Variants in POLR2B observed in about 807,000 individuals in gnomAD.
The protein encoded by POLR2B is RNA polymerase II subunit B, also known as DNA-directed RNA polymerase II subunit RPB2.
A neutral mutation model predicts 144.6 loss-of-function variants in POLR2B; 57 were observed. That is an observed-to-expected ratio of 0.39 (90% confidence interval 0.32 to 0.49). The LOEUF (loss-of-function observed/expected upper bound fraction) is 0.49. Ranked by LOEUF, POLR2B falls within the 20% of genes least tolerant of loss-of-function variation. The pLI is 0.83. For synonymous variants in POLR2B, 442 were observed against 469.8 expected (o/e 0.94, Z 0.77); for missense variants, 595 against 1,467.4 (o/e 0.41, Z 9.71).
intron 23 of POLR2B, among the ~76,000 whole-genome samples, chr4:57,029,819 G>A (rs1723854114): frequency 1.3e-5 from 2 of 152,126 alleles, no homozygotes; most frequent in African/African-American, 4.8e-5. Flanking sequence ...TGTCTTATGA[G>A]GAAAATTAAA....
intron 1 of POLR2B, chr4:56,985,462 G>A: frequency 1.0e-6 from 1 of 985,560 alleles, no homozygotes; most frequent in Non-Finnish European, 1.2e-6. Context: ...CGGGCGGTGA[G>A]TGAGAGGCGG....
At position 56,990,880 on chromosome 4, in the gene POLR2B, T is replaced by G. The variant is rs1341587818; in HGVS notation, c.225T>G (p.Ser75Arg). ...IDLQAEAQHA[S>R]GEVEEPPRYL... ...TACAGGCTGAAGCTCAGCATGCTAGTGGAGAAGTTGAAGAACCGGTAAGAT... is the reference window on the plus strand; with the variant it reads ...TACAGGCTGAAGCTCAGCATGCTAGGGGAGAAGTTGAAGAACCGGTAAGAT... The change falls in exon 3 of 25, where the codon AGT (serine) becomes AGG (arginine). Residue 75 changes from serine to arginine, a missense_variant. By Grantham distance (110) the Ser-to-Arg change is moderately radical. Transcript: ENST00000314595. The G allele has an allele frequency of 3.7e-6, 6 of 1,611,684 alleles. No individual in the cohort carries two copies. Among genetic ancestry groups the G allele is most frequent in the Non-Finnish European group, 4.2e-6 (5 of 1,179,344 alleles).
intron 7 of POLR2B, among the ~76,000 whole-genome samples, chr4:57,000,009 G>C (rs193052998): frequency 2.2e-4 from 34 of 152,316 alleles, no homozygotes; most frequent in Admixed American, 1.1e-3. Flanking sequence ...GTTAATGACA[G>C]CAGCAAGAAG....
chr4:56,994,191 AAG>A (rs1189375714), intron 3 of POLR2B, among the ~76,000 whole-genome samples: 1 of 152,214 alleles, frequency 6.6e-6, no homozygotes, highest in African/African-American at 2.4e-5. Flanking sequence ...TTTTTAAGAA[AAG>A]AGGAAAAAAG....
At position 57,022,166 on chromosome 4, in the gene POLR2B, G is replaced by A; in HGVS notation, c.2435G>A (p.Arg812His). 2 of 1,606,492 alleles carry A rather than the reference G, an allele frequency of 1.2e-6. No homozygotes were observed. Among genetic ancestry groups the A allele is most frequent in the Non-Finnish European group, 8.5e-7 (1 of 1,173,986 alleles). The change falls in exon 18 of 25, where the codon CGC becomes CAC. Residue 812 changes from arginine to histidine, a missense_variant. This residue lies in a region of POLR2B where 39 missense variants were observed against 174.3 expected (regional missense o/e 0.22). Coordinates refer to ENST00000314595, the MANE Select transcript of POLR2B (RefSeq NM_000938.3). ...DRGFFRSVFY[R>H]SYKEQESKKG... ...TGTGTTTTTAGGTCTGTTTTCTATC[G>A]CTCATACAAAGAACAGGAGTCTAAA...
intron 7 of POLR2B, among the ~76,000 whole-genome samples, chr4:57,001,635 A>G (rs545807755): frequency 2.4e-4 from 37 of 152,344 alleles, no homozygotes; most frequent in African/African-American, 8.4e-4. Context: ...GGGCATCTCA[A>G]CAAGAGTCAT....
chr4:57,000,760 A>T (rs1052922404), intron 7 of POLR2B, among the ~76,000 whole-genome samples: 1 of 152,138 alleles, frequency 6.6e-6, no homozygotes, highest in Non-Finnish European at 1.5e-5. Context: ...CAGTGGCACG[A>T]TCTCGGCTCA....
chr4:57,010,264 A>AAT, intron 10 of POLR2B, 97 bp from the exon 11 acceptor site: 1 of 1,068,560 alleles, frequency 9.4e-7, no homozygotes, highest in Non-Finnish European at 1.4e-6. Context: ...ACAGTTTGAT[A>AAT]CTCAGTAGAT....
At position 57,010,348 on chromosome 4, in the gene POLR2B, T is replaced by C; in HGVS notation, c.1405-13T>C. 1 of 1,612,116 alleles carries C rather than the reference T, an allele frequency of 6.2e-7. No individual in the cohort carries two copies. Among genetic ancestry groups the C allele is most frequent in the Non-Finnish European group, 8.5e-7 (1 of 1,179,010 alleles). Reference sequence around the variant, plus strand: ...AAATGTCCAGACTTTAAAGATTGGCTATTTTTTTCTAGGTGTTAAACCGCC... The same window carrying C: ...AAATGTCCAGACTTTAAAGATTGGCCATTTTTTTCTAGGTGTTAAACCGCC... On this transcript the variant is annotated splice_polypyrimidine_tract_variant and intron_variant, in intron 10 of 24. Transcript: ENST00000314595.
chr4:57,017,276 T>C lies in POLR2B; in HGVS notation c.2154+35T>C, dbSNP rs749655165. ...ACTTTTTGTCTTCTGGTGTGAGGAA[T>C]TGGGAGAAGTAATAAAAATTGAAAG... On this transcript the variant is annotated intron_variant, in intron 15 of 24. Coordinates refer to ENST00000314595, the MANE Select transcript of POLR2B (RefSeq NM_000938.3). The surrounding 1 kb of genome is among the most constrained non-coding windows in gnomAD (Gnocchi z 4.8). The C allele has an allele frequency of 3.5e-6, 5 of 1,445,090 alleles. No homozygotes were observed. The highest frequency in any genetic ancestry group is 1.8e-5 in the Admixed American group (1 of 54,130). 89.5% of individuals were successfully genotyped at this position (1,445,090 alleles called of 1,614,324 possible). A position where few individuals can be genotyped will look rare whatever the true frequency, so the allele number is the denominator to read the frequency against.
chr4:56,994,911 T>C, intron 5 of POLR2B, 45 bp downstream of exon 5: 1 of 1,164,800 alleles, frequency 8.6e-7, no homozygotes, highest in Admixed American at 2.3e-5. Flanking sequence ...GTAGTTAAAA[T>C]TTAGTTTAAA....
At chr4:57,003,157 T>C (rs1230483314) in intron 7 of POLR2B, among the ~76,000 whole-genome samples, 1 of 151,936 alleles carries the variant, frequency 6.6e-6, no homozygotes, top group Non-Finnish European at 1.5e-5. Context: ...TTGGGCTGGG[T>C]GCGGTGGCTC....
chr4:56,979,623 A>G lies in POLR2B; in HGVS notation c.19+619A>G, dbSNP rs554541604. 5.3e-5 allele frequency among the ~76,000 whole-genome samples: 8 copies of G among 152,264 alleles called. No homozygotes were observed. In the South Asian group the frequency reaches 1.4e-3, roughly 28 times the overall value. On this transcript the variant is annotated intron_variant, in intron 1 of 24. Transcript: ENST00000314595. ...GTATAATACCTGTTTGTTTGCGCAT[A>G]TGGAATTCTTAGTAGTGGCCGAGCG...
chr4:56,986,619 A>G (rs1317422426), intron 2 of POLR2B, 193 bp downstream of exon 2: 6 of 440,390 alleles, frequency 1.4e-5, no homozygotes, highest in African/African-American at 1.2e-4. Flanking sequence ...CAGATTCCGA[A>G]AATGTTACCC....
At chr4:56,986,190 CAT>C (rs1345234613) in intron 1 of POLR2B, 162 bp from the exon 2 acceptor site, 2 of 694,182 alleles carry the variant, frequency 2.9e-6, no homozygotes, top group African/African-American at 1.8e-5. Flanking sequence ...GTGACATAGA[CAT>C]AAATTATTTT....
intron 7 of POLR2B, among the ~76,000 whole-genome samples, chr4:57,003,619 T>C (rs908218161): frequency 2.0e-5 from 3 of 151,984 alleles, no homozygotes; most frequent in Non-Finnish European, 4.4e-5. Flanking sequence ...TTGGAAGGCC[T>C]ACATGGGTAG....
intron 3 of POLR2B, among the ~76,000 whole-genome samples, chr4:56,992,494 A>G (rs1722548325): frequency 2.3e-5 from 3 of 130,902 alleles, no homozygotes; most frequent in Admixed American, 7.8e-5. Context: ...AAAAAAAAAG[A>G]AAAGAAAATA....
In POLR2B at chr4:57,010,360, G is replaced by T. The variant is rs1227005302; in HGVS notation, c.1405-1G>T. Reference sequence around the variant, plus strand: ...TTTAAAGATTGGCTATTTTTTTCTAGGTGTTAAACCGCCTGACTTTTGCGT... The same window carrying T: ...TTTAAAGATTGGCTATTTTTTTCTATGTGTTAAACCGCCTGACTTTTGCGT... On this transcript the variant is annotated splice_acceptor_variant, in intron 10 of 24. Coordinates refer to ENST00000314595, the MANE Select transcript of POLR2B (RefSeq NM_000938.3). LOFTEE classifies it high-confidence loss of function. 3 of 1,610,916 alleles carry T rather than the reference G, an allele frequency of 1.9e-6. No individual in the cohort carries two copies. The highest frequency in any genetic ancestry group is 1.7e-5 in the Admixed American group (1 of 59,108).
intron 11 of POLR2B, 79 bp from the exon 12 acceptor site, chr4:57,010,669 T>C: frequency 7.1e-7 from 1 of 1,399,052 alleles, no homozygotes; most frequent in Non-Finnish European, 9.7e-7. Context: ...TGAAATCACA[T>C]TGAAGGAAAA....
Sources: allele counts gnomAD v4.1 joint callset (sites outside exome capture counted in the v4.1 genomes callset), GRCh38; gene constraint gnomAD v4.1.1; regional missense constraint gnomAD v4.1.1; non-coding constraint Gnocchi (gnomAD v3.1); transcripts MANE v1.5; gene names NCBI Gene and HGNC (gene_info 2026-07-23, HGNC 2026-07-21).